Variants in AVEN observed in about 807,000 individuals in gnomAD.
The protein encoded by AVEN is apoptosis and caspase activation inhibitor.
A neutral mutation model predicts 38.1 loss-of-function variants in AVEN; 41 were observed. The ratio of observed to expected loss-of-function variants is 1.08; its 90% CI spans 0.84 to 1.40. The LOEUF (loss-of-function observed/expected upper bound fraction) is 1.40. AVEN is among the 40% of genes most tolerant of loss of function. The pLI, the probability that AVEN is intolerant of heterozygous loss-of-function variation, is 0.00. For missense variants in AVEN, 605 were observed against 438.8 expected (o/e 1.38, Z -3.38); for synonymous variants, 206 against 171.8 (o/e 1.20, Z -1.56).
intron 5 of AVEN, 76 bp downstream of exon 5, chr15:33,867,419 G>T: frequency 6.6e-7 from 1 of 1,511,394 alleles, no homozygotes. Flanking sequence ...GGATGTGTGC[G>T]GATGTGATGC....
intron 2 of AVEN, among the ~76,000 whole-genome samples, chr15:33,986,091 A>C (rs944230574): frequency 2.2e-4 from 4 of 17,798 alleles, no homozygotes; most frequent in Non-Finnish European, 2.3e-3. Context: ...TTTCACTGTA[A>C]ATTTTTTTTT....
At chr15:33,963,182 C>T (rs1365667536) in intron 2 of AVEN, among the ~76,000 whole-genome samples, 1 of 152,168 alleles carries the variant, frequency 6.6e-6, no homozygotes, top group Non-Finnish European at 1.5e-5. Flanking sequence ...ATTATGACAA[C>T]TCTTGACATC....
chr15:34,003,501 G>C (rs1179512368), intron 1 of AVEN, among the ~76,000 whole-genome samples: 3 of 152,168 alleles, frequency 2.0e-5, no homozygotes, highest in Non-Finnish European at 2.9e-5. Flanking sequence ...GCTTCATCCA[G>C]TTGAAATAAT....
intron 2 of AVEN, among the ~76,000 whole-genome samples, chr15:33,877,560 A>ATC (rs1483194842): frequency 6.6e-6 from 1 of 152,348 alleles, no homozygotes; most frequent in East Asian, 1.9e-4. Context: ...CACGCCTACA[A>ATC]TCCCAGCACT....
At chr15:33,889,686 T>G (rs1397240849) in intron 2 of AVEN, among the ~76,000 whole-genome samples, 2 of 152,228 alleles carry the variant, frequency 1.3e-5, no homozygotes, top group Non-Finnish European at 2.9e-5. Context: ...AGAGCTGTGA[T>G]TTAAATGGGC....
chr15:34,003,052 C>G lies in AVEN; in HGVS notation c.425G>C (p.Ser142Thr). 2.5e-6 allele frequency: 4 copies of G among 1,613,852 alleles called. No homozygotes were observed. Among genetic ancestry groups the G allele is most frequent in the Non-Finnish European group, 3.4e-6 (4 of 1,179,840 alleles). ...CATACCTGCAGAGCTAAGGAGGACA[C>G]TGAAATCTGTTCCCCTCTGTGACTC... Reference protein sequence around the residue: ...SGESQRGTDFSVLLSSAGDSF... With the variant: ...SGESQRGTDFTVLLSSAGDSF... Residue 142 changes from serine (S) to threonine (T), a missense_variant, in exon 2 of 6, where the codon AGT becomes ACT. Physicochemically the swap from Ser to Thr is moderately conservative, Grantham distance 58. Coordinates refer to ENST00000306730, the MANE Select transcript of AVEN (RefSeq NM_020371.3).
At chr15:33,984,046 A>G (rs8035294) in intron 2 of AVEN, among the ~76,000 whole-genome samples, 6 of 151,818 alleles carry the variant, frequency 4.0e-5, no homozygotes, top group Admixed American at 1.3e-4. Context: ...GAAGAGACTA[A>G]GGAAATACAA....
At chr15:34,038,356 CTAA>C (rs1283478991) in intron 1 of AVEN, among the ~76,000 whole-genome samples, 3 of 152,202 alleles carry the variant, frequency 2.0e-5, no homozygotes, top group Non-Finnish European at 4.4e-5. Flanking sequence ...CCTTTCCCTC[CTAA>C]TAACAGGAGC....
chr15:33,931,402 G>A (rs1893843497), intron 2 of AVEN, among the ~76,000 whole-genome samples: 1 of 113,428 alleles, frequency 8.8e-6, no homozygotes, highest in Admixed American at 1.2e-4. Context: ...ACGGAGTCTT[G>A]CTCTGTCACC....
At chr15:33,862,809 C>G (rs1338496168), downstream of AVEN, among the ~76,000 whole-genome samples, 3 of 152,118 alleles carry the variant, frequency 2.0e-5, no homozygotes, top group Non-Finnish European at 4.4e-5. Flanking sequence ...CAGGGTTTCA[C>G]CGTGTTGGCC....
intron 2 of AVEN, among the ~76,000 whole-genome samples, chr15:33,877,332 G>T (rs1485650893): frequency 6.6e-6 from 1 of 152,196 alleles, no homozygotes; most frequent in Non-Finnish European, 1.5e-5. Context: ...AATGCGATTA[G>T]AAAAGAGGAT....
At chr15:33,910,897 T>A (rs1306017086) in intron 2 of AVEN, among the ~76,000 whole-genome samples, 1 of 152,152 alleles carries the variant, frequency 6.6e-6, no homozygotes, top group Non-Finnish European at 1.5e-5. Flanking sequence ...TTTTCCCATA[T>A]ACAAAATGGA....
At chr15:33,953,394 C>G (rs1219347452) in intron 2 of AVEN, among the ~76,000 whole-genome samples, 1 of 152,164 alleles carries the variant, frequency 6.6e-6, no homozygotes, top group Non-Finnish European at 1.5e-5. Context: ...AACTATACTA[C>G]AAGGCTACAG....
rs747017685 is a variant in AVEN at position 34,063,185 on chromosome 15, G to A, written n.1374C>T. 1 of 1,614,184 alleles carries A rather than the reference G, an allele frequency of 6.2e-7. No homozygotes were observed. The highest frequency in any genetic ancestry group is 1.7e-5 in the Admixed American group (1 of 60,018). On this transcript the variant is annotated non_coding_transcript_exon_variant, in exon 5 of 12. Transcript: ENST00000675287. The surrounding 1 kb of genome is among the most constrained non-coding windows in gnomAD (Gnocchi z 4.1). Reference sequence around the variant, plus strand: ...GCATCATGATTGGCTTGGCCTGGCTGATCTCCTTCATCCTCTGGGCCCCAG... The same window carrying A: ...GCATCATGATTGGCTTGGCCTGGCTAATCTCCTTCATCCTCTGGGCCCCAG...
At chr15:33,933,556 G>C (rs1013293196) in intron 2 of AVEN, among the ~76,000 whole-genome samples, 6 of 148,250 alleles carry the variant, frequency 4.0e-5, no homozygotes, top group African/African-American at 1.5e-4. Context: ...GAGAGAGAGA[G>C]AGAGAGAGAG....
At chr15:34,016,475 C>CT (rs1897918120) in intron 1 of AVEN, among the ~76,000 whole-genome samples, 2 of 151,998 alleles carry the variant, frequency 1.3e-5, no homozygotes, top group African/African-American at 4.8e-5. Flanking sequence ...CCACATGACT[C>CT]TTTTTTCTTA....
chr15:34,062,724 G>T, intron 5 of AVEN: 1 of 1,607,908 alleles, frequency 6.2e-7, no homozygotes, highest in Non-Finnish European at 8.5e-7. Flanking sequence ...CAGGATGGAA[G>T]GGGATTCTTA....
Position 33,913,515 on chromosome 15 carries a change from A to G in AVEN, c.446-37520T>C, listed in dbSNP as rs16958327. Reference sequence around the variant, plus strand: ...TTTTGCTTCATCTAATATTAAAATTACCTTGCAGTATTTCCTAAGACCCAT... The same window carrying G: ...TTTTGCTTCATCTAATATTAAAATTGCCTTGCAGTATTTCCTAAGACCCAT... On this transcript the variant is annotated intron_variant, in intron 2 of 5. Transcript: ENST00000306730. Among the ~76,000 whole-genome samples, 1,462 of 152,282 alleles carry G rather than the reference A, an allele frequency of 9.6e-3. 27 individuals carry two copies. The highest frequency in any genetic ancestry group is 0.034 in the African/African-American group (1,395 of 41,550).
intron 2 of AVEN, among the ~76,000 whole-genome samples, chr15:33,980,087 G>T (rs1896067392): frequency 1.3e-5 from 2 of 152,200 alleles, no homozygotes; most frequent in African/African-American, 4.8e-5. Flanking sequence ...CCATGATATT[G>T]TTTAACATTA....
Sources: gnomAD v4.1 joint callset for allele counts (sites outside exome capture counted in the v4.1 genomes callset) on GRCh38, gnomAD v4.1.1 for gene constraint, Gnocchi (gnomAD v3.1) non-coding constraint, MANE v1.5 for transcripts, NCBI Gene and HGNC (gene_info 2026-07-23, HGNC 2026-07-21) for gene names.